Variants in RAB18 observed in about 807,000 individuals in gnomAD.
The protein encoded by RAB18 is ras-related protein Rab-18.
Under a neutral mutation model 28.5 loss-of-function variants are expected in RAB18, and 10 were observed. The ratio of observed to expected loss-of-function variants is 0.35; its 90% CI spans 0.22 to 0.60. The LOEUF is 0.60. Ranked by LOEUF, RAB18 falls within the 20% of genes least tolerant of loss-of-function variation. The pLI, the probability that RAB18 is intolerant of heterozygous loss-of-function variation, is 0.78. For missense variants in RAB18, 188 were observed against 244.2 expected, an observed-to-expected ratio of 0.77 and a Z score of 1.53; for synonymous variants, 93 against 86.9, an observed-to-expected ratio of 1.07 and a Z score of -0.39.
At position 27,531,505 on chromosome 10, in the gene RAB18, G is replaced by A. The variant is rs199943111; in HGVS notation, c.187-1002G>A. ...GTAGCTAAGTTGAGGTTTGATACAT[G>A]TTTTTACTTTTACTTTTCTTTAGGT... On this transcript the variant is annotated intron_variant, in intron 3 of 6. Coordinates refer to ENST00000356940, the MANE Select transcript of RAB18 (RefSeq NM_021252.5). 1.6e-4 allele frequency: 242 copies of A among 1,542,654 alleles called. 1 individual carries two copies. Among genetic ancestry groups the A allele is most frequent in the Middle Eastern group, 8.4e-4 (5 of 5,954 alleles).
intron 3 of RAB18, among the ~76,000 whole-genome samples, chr10:27,529,558 C>T (rs1207390588): frequency 6.6e-6 from 1 of 151,932 alleles, no homozygotes; most frequent in Non-Finnish European, 1.5e-5. Flanking sequence ...GCTTCACTTT[C>T]ACTCCCTACA....
intron 6 of RAB18, among the ~76,000 whole-genome samples, chr10:27,537,166 A>G (rs1834917193): frequency 6.6e-6 from 1 of 152,248 alleles, no homozygotes; most frequent in Non-Finnish European, 1.5e-5. Flanking sequence ...AAAGCAGAGC[A>G]TGAGGATACA....
rs1479208309 is a variant in RAB18, at chr10:27,539,899, T to G, written c.*1848T>G. 1 of 453,430 alleles carries G rather than the reference T, an allele frequency of 2.2e-6. No individual in the cohort carries two copies. Among genetic ancestry groups the G allele is most frequent in the East Asian group, 6.9e-5 (1 of 14,398 alleles). The allele number at this position is 453,430 out of a possible 1,614,324, so 28.1% of individuals were successfully genotyped here. ...CAGCTGAAGAATATGTACTATTGTG[T>G]TACTCAAATTATGTGGCTTTCATTT... On this transcript the variant is annotated 3_prime_UTR_variant, in exon 7 of 7. Transcript: ENST00000356940.
chr10:27,517,428 T>G (rs1186797750), intron 2 of RAB18, among the ~76,000 whole-genome samples: 1 of 152,088 alleles, frequency 6.6e-6, no homozygotes, highest in Non-Finnish European at 1.5e-5. Context: ...GTTTTGTAGA[T>G]AGATAGACCC....
At chr10:27,508,216 C>T (rs1476246242) in intron 1 of RAB18, among the ~76,000 whole-genome samples, 2 of 152,112 alleles carry the variant, frequency 1.3e-5, no homozygotes, top group African/African-American at 4.8e-5. Context: ...CTGATGTATA[C>T]CCAGAGCCTG....
At chr10:27,507,220 G>C (rs1837863644) in intron 1 of RAB18, among the ~76,000 whole-genome samples, 1 of 149,796 alleles carries the variant, frequency 6.7e-6, no homozygotes, top group Non-Finnish European at 1.5e-5. Flanking sequence ...GAAAACAAAG[G>C]ATATGTTTAA....
intron 2 of RAB18, among the ~76,000 whole-genome samples, chr10:27,516,254 T>G (rs987118229): frequency 2.6e-5 from 4 of 152,122 alleles, no homozygotes; most frequent in African/African-American, 4.8e-5. Context: ...GTTTTCCCCT[T>G]TGAACATTTG....
At position 27,538,029 on chromosome 10, in the gene RAB18, G is replaced by A; in HGVS notation, c.599G>A (p.Gly200Asp). 1.9e-6 allele frequency: 3 copies of A among 1,614,130 alleles called. No homozygotes were observed. Among genetic ancestry groups the A allele is most frequent in the Non-Finnish European group, 2.5e-6 (3 of 1,179,998 alleles). The change falls in exon 7 of 7, where the codon GGT (glycine) becomes GAT (aspartate). Residue 200 changes from glycine to aspartate, a missense_variant. Coordinates refer to ENST00000356940, the MANE Select transcript of RAB18 (RefSeq NM_021252.5). Reference sequence around the variant, plus strand: ...GAAGGCCAAGGAGGAGGAGCCTGTGGTGGTTATTGCTCTGTGTTATAAACT... The same window carrying A: ...GAAGGCCAAGGAGGAGGAGCCTGTGATGGTTATTGCTCTGTGTTATAAACT... ...REEGQGGGAC[G>D]GYCSVL
At chr10:27,505,370 C>T (rs1056708309) in intron 1 of RAB18, among the ~76,000 whole-genome samples, 5 of 152,122 alleles carry the variant, frequency 3.3e-5, no homozygotes, top group Admixed American at 6.5e-5. Flanking sequence ...CATATTTTAG[C>T]TATACCTTCT....
chr10:27,529,439 T>G (rs973713430), intron 3 of RAB18, among the ~76,000 whole-genome samples: 28 of 151,860 alleles, frequency 1.8e-4, no homozygotes, highest in Non-Finnish European at 2.5e-4. Context: ...CTTGGAAGCT[T>G]CTTCTAGGAT....
Position 27,540,338 on chromosome 10 carries a change from C to G in RAB18, c.*2287C>G, listed in dbSNP as rs1451514242. The G allele has an allele frequency of 2.2e-6, 1 of 454,034 alleles. No individual in the cohort carries two copies. Among genetic ancestry groups the G allele is most frequent in the East Asian group, 6.9e-5 (1 of 14,392 alleles). 28.1% of individuals were successfully genotyped at this position (454,034 alleles called of 1,614,324 possible). On this transcript the variant is annotated 3_prime_UTR_variant, in exon 7 of 7. Transcript: ENST00000356940. ...AACCCCCAAAGATCACATAGCTACT[C>G]AGTCACTGAGCTGGATTCCAGTCAT...
At chr10:27,537,451 C>T (rs369317982) in intron 6 of RAB18, among the ~76,000 whole-genome samples, 87 of 152,260 alleles carry the variant, frequency 5.7e-4, no homozygotes, top group African/African-American at 1.9e-3. Context: ...CTGCCTGGAG[C>T]TGCTTGGTTG....
At chr10:27,512,763 A>G (rs1469437202) in intron 2 of RAB18, among the ~76,000 whole-genome samples, 1 of 152,170 alleles carries the variant, frequency 6.6e-6, no homozygotes, top group Non-Finnish European at 1.5e-5. Context: ...TACTGAAGGA[A>G]TGAACATACA....
rs1190171231 is a variant in RAB18 at position 27,513,032 on chromosome 10, A to ATATATAT, written c.124+3103_124+3104insATATATT. On this transcript the variant is annotated intron_variant, in intron 2 of 6. Coordinates refer to ENST00000356940, the MANE Select transcript of RAB18 (RefSeq NM_021252.5). ...GGTAATAACATATATATATATATAT[A>ATATATAT]TTTTTTTTTTTTTTTTGGAGACAAG... Among the ~76,000 whole-genome samples the ATATATAT allele has an allele frequency of 9.3e-4, 133 of 142,574 alleles. No individual in the cohort carries two copies. In the East Asian group the frequency reaches 0.019, roughly 20 times the overall value. 93.5% of individuals were successfully genotyped at this position (142,574 alleles called of 152,430 possible).
Position 27,542,081 on chromosome 10 carries a change from G to A in RAB18, c.*4030G>A, listed in dbSNP as rs145770297. 4.4e-4 allele frequency: 201 copies of A among 454,024 alleles called. No individual in the cohort carries two copies. The highest frequency in any genetic ancestry group is 2.8e-3 in the Middle Eastern group (4 of 1,444). 28.1% of individuals were successfully genotyped at this position (454,024 alleles called of 1,614,324 possible). On this transcript the variant is annotated 3_prime_UTR_variant, in exon 7 of 7. Coordinates refer to ENST00000356940, the MANE Select transcript of RAB18 (RefSeq NM_021252.5). ...TCACATTCTGAACTTGCTGCAGCTC[G>A]TTTTTCTAATATAAAGGAACCAGCC...
At position 27,526,817 on chromosome 10, in the gene RAB18, A is replaced by G. The variant is rs773044896; in HGVS notation, c.125-11A>G. 8 of 1,612,750 alleles carry G rather than the reference A, an allele frequency of 5.0e-6. No homozygotes were observed. In the African/African-American group the frequency reaches 6.7e-5, roughly 13 times the overall value. On this transcript the variant is annotated splice_polypyrimidine_tract_variant and intron_variant, in intron 2 of 6. Coordinates refer to ENST00000356940, the MANE Select transcript of RAB18 (RefSeq NM_021252.5). ...TACTGGGAGACTTATCAAAATTTTC[A>G]TTTCTTTAAGGTGTTGACTTTAAGG... is the stretch of plus-strand genomic sequence containing the variant.
Position 27,538,268 on chromosome 10 carries a change from A to G in RAB18, c.*217A>G, listed in dbSNP as rs1483771144. Reference sequence around the variant, plus strand: ...GTCTACAGTTTTTTTATGTAGCACAAAATAGGTGTACCTTTATAAGTACAT... The same window carrying G: ...GTCTACAGTTTTTTTATGTAGCACAGAATAGGTGTACCTTTATAAGTACAT... On this transcript the variant is annotated 3_prime_UTR_variant, in exon 7 of 7. Coordinates refer to ENST00000356940, the MANE Select transcript of RAB18 (RefSeq NM_021252.5). 1.5e-6 allele frequency: 1 copy of G among 670,216 alleles called. No individual in the cohort carries two copies. Among genetic ancestry groups the G allele is most frequent in the African/African-American group, 1.8e-5 (1 of 56,588 alleles). The allele number at this position is 670,216 out of a possible 1,614,324, so 41.5% of individuals were successfully genotyped here.
At position 27,541,259 on chromosome 10, in the gene RAB18, A is replaced by G; in HGVS notation, c.*3208A>G. ...ATAGACTTCACCCTGGGTTTTGCCT[A>G]AACTGTTGAAAGACGAGAATAAATA... is the stretch of plus-strand genomic sequence containing the variant. On this transcript the variant is annotated 3_prime_UTR_variant, in exon 7 of 7. Coordinates refer to ENST00000356940, the MANE Select transcript of RAB18 (RefSeq NM_021252.5). The G allele has an allele frequency of 2.2e-6, 1 of 454,042 alleles. No individual in the cohort carries two copies. The highest frequency in any genetic ancestry group is 4.4e-6 in the Non-Finnish European group (1 of 226,788). The allele number at this position is 454,042 out of a possible 1,614,324, so 28.1% of individuals were successfully genotyped here.
In RAB18 at chr10:27,509,902, G is replaced by T. The variant is rs766425410; in HGVS notation, c.96G>T (p.Thr32=). The T allele has an allele frequency of 2.6e-5, 42 of 1,612,872 alleles. No individual in the cohort carries two copies. In the Admixed American group the frequency reaches 6.7e-4, roughly 26 times the overall value. The change falls in exon 2 of 7, where the codon ACG becomes ACT. Residue 32 remains threonine (T), a synonymous_variant. Transcript: ENST00000356940. ...TGCTCTTGAGGTTCACAGATGATAC[G>T]TTTGATCCAGAACTTGCAGCAACAA... The part of the protein sequence containing the change: ...SSLLLRFTDD[T]FDPELAATIG...
Sources: gnomAD v4.1 joint callset for allele counts (sites outside exome capture counted in the v4.1 genomes callset) on GRCh38, gnomAD v4.1.1 for gene constraint, MANE v1.5 for transcripts, NCBI Gene and HGNC (gene_info 2026-07-23, HGNC 2026-07-21) for gene names.